CAMK4: variants seen among roughly 807,000 people sequenced by gnomAD.
CAMK4 encodes the protein calcium/calmodulin-dependent protein kinase type IV.
A neutral mutation model predicts 44.9 loss-of-function variants in CAMK4; 22 were observed. That is an observed-to-expected ratio of 0.49 (90% CI 0.35 to 0.70). CAMK4 has a LOEUF of 0.70. Among genes scored for constraint, CAMK4 ranks in the 30% least tolerant of loss-of-function variants. CAMK4 has a pLI of 0.01. For synonymous variants in CAMK4, 218 were observed against 215.4 expected (o/e 1.01, Z -0.11); for missense variants, 498 against 586.8 (o/e 0.85, Z 1.56).
At chr5:111,424,589 T>C (rs755685302) in intron 5 of CAMK4, among the ~76,000 whole-genome samples, 8 of 151,564 alleles carry the variant, frequency 5.3e-5, no homozygotes, top group Non-Finnish European at 8.8e-5. Flanking sequence ...GGACTACAGG[T>C]GCCCACCACC....
chr5:111,353,529 G>A (rs1750201177), intron 2 of CAMK4, among the ~76,000 whole-genome samples: 1 of 152,082 alleles, frequency 6.6e-6, no homozygotes, highest in Non-Finnish European at 1.5e-5. Flanking sequence ...AGTTTGAGCA[G>A]CATTTAAATG....
intron 7 of CAMK4, among the ~76,000 whole-genome samples, chr5:111,451,558 G>T (rs1291291558): frequency 6.6e-6 from 1 of 152,072 alleles, no homozygotes; most frequent in Admixed American, 6.6e-5. Flanking sequence ...AAAGTGCTGG[G>T]ATTACAGGCA....
intron 1 of CAMK4, among the ~76,000 whole-genome samples, chr5:111,311,086 C>A (rs1210865682): frequency 1.3e-5 from 2 of 152,186 alleles, no homozygotes; most frequent in Non-Finnish European, 2.9e-5. Flanking sequence ...TTGTCATCAA[C>A]CTTTTTATAG....
At chr5:111,375,442 G>T (rs541556970) in intron 3 of CAMK4, among the ~76,000 whole-genome samples, 2 of 152,102 alleles carry the variant, frequency 1.3e-5, no homozygotes, top group Admixed American at 6.6e-5. Context: ...AGTAAAAAGC[G>T]TTCTTGAACT....
chr5:111,430,918 C>T (rs1753418702), intron 5 of CAMK4, among the ~76,000 whole-genome samples: 1 of 151,980 alleles, frequency 6.6e-6, no homozygotes, highest in African/African-American at 2.4e-5. Context: ...TATCAAAATA[C>T]AAATGACATT....
intron 9 of CAMK4, among the ~76,000 whole-genome samples, 171 bp downstream of exon 9, chr5:111,478,678 A>T (rs1375709351): frequency 6.6e-6 from 1 of 152,182 alleles, no homozygotes; most frequent in Non-Finnish European, 1.5e-5. Flanking sequence ...GAGAATAAAA[A>T]CTAGATATGT....
At chr5:111,479,555 C>T (rs1755360910) in intron 9 of CAMK4, among the ~76,000 whole-genome samples, 1 of 152,162 alleles carries the variant, frequency 6.6e-6, no homozygotes, top group African/African-American at 2.4e-5. Context: ...TAGTCCTCCT[C>T]TCATTTTAAA....
At position 111,465,756 on chromosome 5, in the gene CAMK4, G is replaced by A. The variant is rs78811894; in HGVS notation, c.626-7555G>A. On this transcript the variant is annotated intron_variant, in intron 7 of 10. Coordinates refer to ENST00000282356, the MANE Select transcript of CAMK4 (RefSeq NM_001744.6). ...AAGTCCAAGACCAGATGGATTCACA[G>A]CTGAATTCTATCAAACATTCAAAGA... 9.5e-3 allele frequency among the ~76,000 whole-genome samples: 1,449 copies of A among 152,280 alleles called. 22 individuals are homozygous for A. The highest frequency in any genetic ancestry group is 0.033 in the African/African-American group (1,362 of 41,562).
intron 1 of CAMK4, among the ~76,000 whole-genome samples, chr5:111,291,280 G>A (rs867418004): frequency 2.0e-5 from 3 of 151,844 alleles, no homozygotes; most frequent in Admixed American, 6.6e-5. Flanking sequence ...TATTACATTT[G>A]TGATAAAAAA....
chr5:111,230,273 G>C (rs1287068571), intron 1 of CAMK4, among the ~76,000 whole-genome samples: 3 of 152,154 alleles, frequency 2.0e-5, no homozygotes, highest in Non-Finnish European at 4.4e-5. Context: ...TCTGTTGGCA[G>C]AGTGTTTTGT....
chr5:111,349,685 A>G (rs999106625), intron 2 of CAMK4, among the ~76,000 whole-genome samples: 34 of 152,108 alleles, frequency 2.2e-4, no homozygotes, highest in African/African-American at 7.9e-4. Flanking sequence ...CACATGAATT[A>G]TAGTTTATCT....
At position 111,490,804 on chromosome 5, in the gene CAMK4, A is replaced by G. The variant is rs1406099013; in HGVS notation, c.*6338A>G. On this transcript the variant is annotated 3_prime_UTR_variant, in exon 11 of 11. Transcript: ENST00000282356. ...TTTTAAAAGTCCTCTATAAGCCAAA[A>G]GAACGTTGTAACATATCCATTTATT... is the stretch of plus-strand genomic sequence containing the variant. 3.9e-5 allele frequency: 6 copies of G among 152,182 alleles called. No homozygotes were observed. The highest frequency in any genetic ancestry group is 1.4e-4 in the African/African-American group (6 of 41,430). 9.4% of individuals were successfully genotyped at this position (152,182 alleles called of 1,614,324 possible). A position where few individuals can be genotyped will look rare whatever the true frequency, so the allele number is the denominator to read the frequency against.
intron 8 of CAMK4, among the ~76,000 whole-genome samples, chr5:111,476,249 G>A: frequency 6.9e-6 from 1 of 144,214 alleles, no homozygotes. Context: ...TTGTGTGTGT[G>A]TGTGTGTGTG....
At chr5:111,423,406 G>A (rs1394048990) in intron 5 of CAMK4, among the ~76,000 whole-genome samples, 1 of 152,108 alleles carries the variant, frequency 6.6e-6, no homozygotes, top group Non-Finnish European at 1.5e-5. Flanking sequence ...TTCCAGTCTT[G>A]GTTTCTACTT....
intron 4 of CAMK4, among the ~76,000 whole-genome samples, chr5:111,390,922 G>A (rs1385729664): frequency 6.6e-6 from 1 of 152,146 alleles, no homozygotes; most frequent in African/African-American, 2.4e-5. Context: ...GAAGACAAAT[G>A]AGAGACCCCA....
At chr5:111,365,264 GATAGGTAGTAGA>G (rs1266866671) in intron 2 of CAMK4, 1 of 152,154 alleles carries the variant, frequency 6.6e-6, no homozygotes, top group Non-Finnish European at 1.5e-5. Flanking sequence ...GAGCTTTAAA[GATAGGTAGTAGA>G]AATCAGAGAG....
intron 4 of CAMK4, among the ~76,000 whole-genome samples, chr5:111,377,261 G>A (rs306128): frequency 0.38 from 57,091 of 151,762 alleles, 11,139 homozygotes; most frequent in Non-Finnish European, 0.43. Flanking sequence ...AGATTTATGA[G>A]AATATCTTAA....
At chr5:111,233,309 G>C (rs1353605992) in intron 1 of CAMK4, among the ~76,000 whole-genome samples, 1 of 152,150 alleles carries the variant, frequency 6.6e-6, no homozygotes, top group East Asian at 1.9e-4. Flanking sequence ...GTGGGCACAA[G>C]CTTTAAATGC....
chr5:111,249,071 C>G (rs1749364248), intron 1 of CAMK4, among the ~76,000 whole-genome samples: 1 of 152,154 alleles, frequency 6.6e-6, no homozygotes, highest in African/African-American at 2.4e-5. Context: ...CTGGCTCAAT[C>G]TGAAGCGATT....
Sources: gnomAD v4.1 joint callset for allele counts (sites outside exome capture counted in the v4.1 genomes callset) on GRCh38, gnomAD v4.1.1 for gene constraint, MANE v1.5 for transcripts, NCBI Gene and HGNC (gene_info 2026-07-23, HGNC 2026-07-21) for gene names.